C21orf58: variants seen among roughly 807,000 people sequenced by gnomAD.
C21orf58 encodes uncharacterized protein C21orf58.
Under a neutral mutation model 35.8 loss-of-function variants are expected in C21orf58, and 34 were observed. That is an observed-to-expected ratio of 0.95 (90% CI 0.72 to 1.26). The LOEUF is 1.26. Ranked by LOEUF, C21orf58 falls within the 50% of genes most tolerant of loss-of-function variation. The pLI, the probability that C21orf58 is intolerant of heterozygous loss-of-function variation, is 0.00. For missense variants in C21orf58, 440 were observed against 414.3 expected (o/e 1.06, Z -0.54); for synonymous variants, 191 against 175.8 (o/e 1.09, Z -0.68).
At position 46,301,525 on chromosome 21, in the gene C21orf58, A is replaced by C. The variant is rs1247221409; in HGVS notation, c.*474T>G. The C allele has an allele frequency of 5.1e-6, 5 of 985,924 alleles. No homozygotes were observed. Among genetic ancestry groups the C allele is most frequent in the African/African-American group, 3.5e-5 (2 of 57,252 alleles). The allele number at this position is 985,924 out of a possible 1,614,324, so 61.1% of individuals were successfully genotyped here. On this transcript the variant is annotated 3_prime_UTR_variant, in exon 8 of 8. Transcript: ENST00000291691. ...AATTAGACTTTGTGGTATTTTCCCC[A>C]TCAGGATGTTCACACTTCCATGTGG...
chr21:46,321,469 G>C (rs2083154037), intron 1 of C21orf58, among the ~76,000 whole-genome samples: 1 of 152,182 alleles, frequency 6.6e-6, no homozygotes, highest in Non-Finnish European at 1.5e-5. Context: ...GTATCCATCA[G>C]AACACCCCAT....
At chr21:46,312,995 C>G in intron 5 of C21orf58, 1 of 985,394 alleles carries the variant, frequency 1.0e-6, no homozygotes, top group Non-Finnish European at 1.2e-6. Flanking sequence ...CTGTTTTATC[C>G]TCTTCTAGCT....
intron 1 of C21orf58, chr21:46,318,754 C>T (rs776171836): frequency 1.0e-6 from 1 of 993,452 alleles, no homozygotes; most frequent in Non-Finnish European, 1.2e-6. Context: ...TTTAGCAGGA[C>T]CAGAGGGGGT....
Position 46,317,238 on chromosome 21 carries a change from C to T in C21orf58, c.340G>A (p.Gly114Arg). 6.2e-7 allele frequency: 1 copy of T among 1,611,880 alleles called. No individual in the cohort carries two copies. The highest frequency in any genetic ancestry group is 2.2e-5 in the East Asian group (1 of 44,852). The change falls in exon 3 of 8, where the codon GGG becomes AGG. Residue 114 changes from glycine to arginine, a missense_variant. Coordinates refer to ENST00000291691, the MANE Select transcript of C21orf58 (RefSeq NM_058180.5). ...KLEQERQNVE[G>R]GPEGLHLEPG... is the part of the protein sequence containing the mutation. The stretch of plus-strand genomic sequence containing the variant: ...TCGAGGTGGAGGCCCTCAGGTCCCC[C>T]TTCCACGTTCTGCCGTTCTTGCTCC...
intron 6 of C21orf58, among the ~76,000 whole-genome samples, chr21:46,305,644 A>T (rs1178400255): frequency 1.3e-5 from 2 of 152,156 alleles, no homozygotes; most frequent in Non-Finnish European, 2.9e-5. Context: ...ATTAACTTTT[A>T]AAAAAAGAAT....
At chr21:46,315,062 C>T in intron 4 of C21orf58, 182 bp from the exon 5 acceptor site, 2 of 1,488,418 alleles carry the variant, frequency 1.3e-6, no homozygotes, top group South Asian at 1.3e-5. Flanking sequence ...GAAATTGACC[C>T]AAGCGTGTCA....
chr21:46,316,136 G>A (rs1454091029), intron 3 of C21orf58, among the ~76,000 whole-genome samples: 6 of 151,870 alleles, frequency 4.0e-5, no homozygotes, highest in East Asian at 1.9e-4. Context: ...GCAACAGAGC[G>A]AGACCAACCC....
rs1401784565 is a variant in C21orf58 at position 46,311,490 on chromosome 21, G to T, written c.687C>A (p.Ala229=). 3.1e-6 allele frequency: 5 copies of T among 1,610,730 alleles called. No homozygotes were observed. Among genetic ancestry groups the T allele is most frequent in the African/African-American group, 1.3e-5 (1 of 74,892 alleles). The change falls in exon 6 of 8, where the codon GCC becomes GCA. Residue 229 remains alanine (A), a synonymous_variant. Coordinates refer to ENST00000291691, the MANE Select transcript of C21orf58 (RefSeq NM_058180.5). ...PLIAQIPPPQ[A]FPTQRSGSIK... is the part of the protein sequence containing the mutation. ...TACTTCCTGACCGTTGAGTAGGGAAGGCCTGGGGAGGAGGAATCTGTGCTA... is the reference window on the plus strand; with the variant it reads ...TACTTCCTGACCGTTGAGTAGGGAATGCCTGGGGAGGAGGAATCTGTGCTA...
In C21orf58 at chr21:46,317,989, G is replaced by A. The variant is rs377106921; in HGVS notation, c.309+23C>T. The A allele has an allele frequency of 4.3e-6, 7 of 1,611,444 alleles. No homozygotes were observed. In the South Asian group the frequency reaches 4.4e-5, roughly 10 times the overall value. The stretch of plus-strand genomic sequence containing the variant: ...ACAGCCTGCGAGTTGTTAAAAACAG[G>A]AGCATCCCGGGCTCTGCCTCACCTG... On this transcript the variant is annotated intron_variant, in intron 2 of 7. Transcript: ENST00000291691.
At chr21:46,311,654 TCCAA>T (rs772171877) in intron 5 of C21orf58, 87 bp from the exon 6 acceptor site, 81 of 668,984 alleles carry the variant, frequency 1.2e-4, no homozygotes, top group Middle Eastern at 4.6e-4. Context: ...CACCCACCCA[TCCAA>T]CCAACCAACC....
intron 6 of C21orf58, among the ~76,000 whole-genome samples, chr21:46,306,015 G>A (rs1469336590): frequency 4.0e-5 from 6 of 150,498 alleles, no homozygotes; most frequent in African/African-American, 1.2e-4. Context: ...TGGGAGGATC[G>A]CTTGAGGCCA....
intron 2 of C21orf58, 102 bp from the exon 3 acceptor site, chr21:46,317,370 TC>T: frequency 6.5e-7 from 1 of 1,537,654 alleles, no homozygotes; most frequent in Non-Finnish European, 8.7e-7. Flanking sequence ...GAATGGTACG[TC>T]AGGAGTAACC....
rs967819486 is a variant in C21orf58, at chr21:46,301,510, T to G, written c.*489A>C. The stretch of plus-strand genomic sequence containing the variant: ...TGTCCCTAGTTATTAAATTAGACTT[T>G]GTGGTATTTTCCCCATCAGGATGTT... On this transcript the variant is annotated 3_prime_UTR_variant, in exon 8 of 8. Transcript: ENST00000291691. The G allele has an allele frequency of 7.1e-6, 7 of 984,828 alleles. No homozygotes were observed. The highest frequency in any genetic ancestry group is 1.1e-4 in the East Asian group (1 of 8,838). The allele number at this position is 984,828 out of a possible 1,614,324, so 61.0% of individuals were successfully genotyped here. A position where few individuals can be genotyped will look rare whatever the true frequency, so the allele number is the denominator to read the frequency against.
chr21:46,319,385 C>A (rs1205217458), intron 1 of C21orf58, among the ~76,000 whole-genome samples: 1 of 152,220 alleles, frequency 6.6e-6, no homozygotes, highest in African/African-American at 2.4e-5. Flanking sequence ...GGTCACATGA[C>A]CTGCCTGGTG....
intron 6 of C21orf58, among the ~76,000 whole-genome samples, chr21:46,308,328 G>C (rs937734415): frequency 1.3e-5 from 2 of 151,894 alleles, no homozygotes; most frequent in Non-Finnish European, 1.5e-5. Flanking sequence ...GGGCGTGGTG[G>C]CACATGCCTG....
In C21orf58 at chr21:46,322,782, GAAAAAAAATT is replaced by G; in HGVS notation, c.-54_-45del. 1 of 1,329,880 alleles carries G rather than the reference GAAAAAAAATT, an allele frequency of 7.5e-7. No homozygotes were observed. The highest frequency in any genetic ancestry group is 1.0e-6 in the Non-Finnish European group (1 of 1,004,768). 82.4% of individuals were successfully genotyped at this position (1,329,880 alleles called of 1,614,324 possible). A position where few individuals can be genotyped will look rare whatever the true frequency, so the allele number is the denominator to read the frequency against. ...TCGCAGCGAGACTGTCTCAAAAAAA[GAAAAAAAATT>G]CTGAGCGAGATTCCAGGGCTTCCTG... On this transcript the variant is annotated 5_prime_UTR_variant, in exon 1 of 8. An upstream open reading frame in the 5' UTR gains an earlier in-frame stop. Coordinates refer to ENST00000291691, the MANE Select transcript of C21orf58 (RefSeq NM_058180.5).
intron 1 of C21orf58, chr21:46,318,890 C>A: frequency 1.0e-6 from 1 of 980,808 alleles, no homozygotes; most frequent in Non-Finnish European, 1.2e-6. Flanking sequence ...TTAAACTCCA[C>A]GTTGATGAGT....
chr21:46,310,956 C>T (rs1019984008), intron 6 of C21orf58, among the ~76,000 whole-genome samples: 2 of 151,840 alleles, frequency 1.3e-5, no homozygotes, highest in Non-Finnish European at 2.9e-5. Context: ...CTGCAACCTC[C>T]GCCTCCCAGG....
intron 6 of C21orf58, among the ~76,000 whole-genome samples, chr21:46,303,838 G>A (rs959559403): frequency 7.2e-6 from 1 of 139,462 alleles, no homozygotes; most frequent in African/African-American, 2.7e-5. Flanking sequence ...TGCAAGCTCC[G>A]CCTCCTGGGT....
Sources: allele counts gnomAD v4.1 joint callset (sites outside exome capture counted in the v4.1 genomes callset), GRCh38; gene constraint gnomAD v4.1.1; transcripts MANE v1.5; gene names NCBI Gene and HGNC (gene_info 2026-07-23, HGNC 2026-07-21).